The following SIGLEC1 variants were observed in gnomAD, a reference collection of about 807,000 sequenced individuals.
The protein encoded by SIGLEC1 is sialic acid binding Ig like lectin 1.
In SIGLEC1, 132 loss-of-function variants were observed where a neutral mutation model predicts 148.0. The ratio of observed to expected loss-of-function variants is 0.89; its 90% CI spans 0.77 to 1.03. The LOEUF is 1.03. SIGLEC1 is among the 50% of genes least tolerant of loss of function. SIGLEC1 has a pLI of 0.00. For synonymous variants in SIGLEC1, 945 were observed against 969.0 expected (o/e 0.98, Z 0.46); for missense variants, 2,253 against 2,271.4 (o/e 0.99, Z 0.16).
chr20:3,711,530 A>C (rs781156106), intron 1 of SIGLEC1, among the ~76,000 whole-genome samples: 1 of 152,172 alleles, frequency 6.6e-6, no homozygotes, highest in Non-Finnish European at 1.5e-5. Flanking sequence ...CTTCTCCCCA[A>C]CTTCCCCATT....
chr20:3,706,137 G>T, intron 3 of SIGLEC1, 97 bp from the exon 4 acceptor site: 1 of 1,372,098 alleles, frequency 7.3e-7, no homozygotes, highest in Non-Finnish European at 9.9e-7. Flanking sequence ...CTGGGGAGGG[G>T]GCTTTTAGGG....
intron 4 of SIGLEC1, 96 bp downstream of exon 4, chr20:3,705,648 A>G: frequency 7.3e-7 from 1 of 1,370,534 alleles, no homozygotes; most frequent in Non-Finnish European, 1.0e-6. Context: ...TTGCATCAGG[A>G]GCAAGGGTTC....
chr20:3,691,432 TG>T lies in SIGLEC1; in HGVS notation c.4498del (p.His1500ThrfsTer39), dbSNP rs778726296. Reference protein sequence around the residue: ...AEPVPTLAFTHVARAQAGMYH... With the variant: ...AEPVPTLAFTXVARAQAGMYH... ...CATCCCAGCTTGAGCACGAGCCACG[TG>T]GGTGAAGGCGAGAGTGGGCACAGGC... On this transcript the variant is annotated frameshift_variant, in exon 18 of 22. Transcript: ENST00000344754. LOFTEE classifies it high-confidence loss of function. 3 of 1,613,100 alleles carry T rather than the reference TG, an allele frequency of 1.9e-6. No individual in the cohort carries two copies. The highest frequency in any genetic ancestry group is 2.5e-6 in the Non-Finnish European group (3 of 1,179,998).
Position 3,701,335 on chromosome 20 carries a change from A to T in SIGLEC1, c.1528+7T>A, listed in dbSNP as rs1472886593. Reference sequence around the variant, plus strand: ...CCACTCTCCCTGGCTGCCAGTGCCCATCTTACCATTGGCATGGAAGTCCAG... The same window carrying T: ...CCACTCTCCCTGGCTGCCAGTGCCCTTCTTACCATTGGCATGGAAGTCCAG... On this transcript the variant is annotated splice_region_variant and intron_variant, in intron 7 of 21. Coordinates refer to ENST00000344754, the MANE Select transcript of SIGLEC1 (RefSeq NM_023068.4). 2 of 1,600,662 alleles carry T rather than the reference A, an allele frequency of 1.2e-6. No individual in the cohort carries two copies. The highest frequency in any genetic ancestry group is 8.5e-7 in the Non-Finnish European group (1 of 1,172,242).
At position 3,698,067 on chromosome 20, in the gene SIGLEC1, C is replaced by G; in HGVS notation, c.1853G>C (p.Arg618Pro). ...CACACGGCACAAAAGGAGGCCTCGCCGTCCAGCCCCGGCCCCAGCGGCATC... is the reference window on the plus strand; with the variant it reads ...CACACGGCACAAAAGGAGGCCTCGCGGTCCAGCCCCGGCCCCAGCGGCATC... ...DLDAAGAGAG[R>P]RGLLLCRVDS... is the part of the protein sequence containing the mutation. Residue 618 changes from arginine to proline, a missense_variant, in exon 9 of 22, where the codon CGG becomes CCG. Coordinates refer to ENST00000344754, the MANE Select transcript of SIGLEC1 (RefSeq NM_023068.4). 1 of 1,604,510 alleles carries G rather than the reference C, an allele frequency of 6.2e-7. No homozygotes were observed.
rs777761697 is a variant in SIGLEC1, at chr20:3,694,465, CAGG to C, written c.3009_3011del (p.Leu1004del). 7 of 1,603,520 alleles carry C rather than the reference CAGG, an allele frequency of 4.4e-6. No homozygotes were observed. In the South Asian group the frequency reaches 6.6e-5, roughly 15 times the overall value. On this transcript the variant is annotated inframe_deletion, in exon 13 of 22. Transcript: ENST00000344754. The stretch of plus-strand genomic sequence containing the variant: ...CCGGAGGGTCACTGTCCACACGGCA[CAGG>C]AGGAGGCCCAGTCGTCCAGGGCCTG...
chr20:3,706,054 C>T lies in SIGLEC1; in HGVS notation c.410-14G>A. ...CCCTGGGCTCCTCTGAGGACAGAGA[C>T]AGCAGTGCTCAGGACCCGCTTTTGC... is the stretch of plus-strand genomic sequence containing the variant. On this transcript the variant is annotated splice_polypyrimidine_tract_variant and intron_variant, in intron 3 of 21. Coordinates refer to ENST00000344754, the MANE Select transcript of SIGLEC1 (RefSeq NM_023068.4). The T allele has an allele frequency of 6.2e-7, 1 of 1,606,452 alleles. No homozygotes were observed. Among genetic ancestry groups the T allele is most frequent in the Non-Finnish European group, 8.5e-7 (1 of 1,175,748 alleles).
At chr20:3,705,690 T>C in intron 4 of SIGLEC1, 54 bp downstream of exon 4, 1 of 1,538,806 alleles carries the variant, frequency 6.5e-7, no homozygotes, top group Non-Finnish European at 8.8e-7. Context: ...GGCTGGTTTC[T>C]GTCAGGAGCA....
Position 3,695,420 on chromosome 20 carries a change from C to G in SIGLEC1, c.2684-497G>C, listed in dbSNP as rs1264247565. Reference sequence around the variant, plus strand: ...GTTATCTTGAGCGCTCTCGCCAGGCCAGCCCTGCATCCAGACTCCAGGCCA... The same window carrying G: ...GTTATCTTGAGCGCTCTCGCCAGGCGAGCCCTGCATCCAGACTCCAGGCCA... On this transcript the variant is annotated intron_variant, in intron 11 of 21. Coordinates refer to ENST00000344754, the MANE Select transcript of SIGLEC1 (RefSeq NM_023068.4). Among the ~76,000 whole-genome samples the G allele has an allele frequency of 2.6e-5, 4 of 152,336 alleles. No homozygotes were observed. In the East Asian group the frequency reaches 5.8e-4, roughly 22 times the overall value.
chr20:3,688,764 G>A, intron 21 of SIGLEC1, 145 bp from the exon 22 acceptor site: 8 of 637,784 alleles, frequency 1.3e-5, no homozygotes, highest in South Asian at 5.9e-5. Flanking sequence ...CCTACCAGGT[G>A]AATCAGCTGC....
At position 3,696,763 on chromosome 20, in the gene SIGLEC1, G is replaced by T. The variant is rs2087804308; in HGVS notation, c.2506C>A (p.Leu836Met). 4 of 1,613,146 alleles carry T rather than the reference G, an allele frequency of 2.5e-6. No homozygotes were observed. The highest frequency in any genetic ancestry group is 3.4e-6 in the Non-Finnish European group (4 of 1,179,946). Reference sequence around the variant, plus strand: ...ACCTGGGGACCCAGGCTGGTGGCCAGGAGGTGCTCCCCATGGAACAAGGCC... The same window carrying T: ...ACCTGGGGACCCAGGCTGGTGGCCATGAGGTGCTCCCCATGGAACAAGGCC... The part of the protein sequence containing the change: ...LLALFHGEHL[L>M]ATSLGPQVPS... The change falls in exon 11 of 22, where the codon CTG (leucine) becomes ATG (methionine). Residue 836 changes from leucine to methionine, a missense_variant. Physicochemically the swap from Leu to Met is conservative, Grantham distance 15 (BLOSUM62 2). Coordinates refer to ENST00000344754, the MANE Select transcript of SIGLEC1 (RefSeq NM_023068.4).
chr20:3,703,479 G>A (rs1337755344), intron 5 of SIGLEC1, 28 bp from the exon 6 acceptor site: 36 of 1,543,284 alleles, frequency 2.3e-5, no homozygotes, highest in Non-Finnish European at 3.1e-5. Flanking sequence ...GGAGTGCTGG[G>A]GGGTCCCAGC....
chr20:3,705,297 C>T (rs887182263), intron 4 of SIGLEC1, among the ~76,000 whole-genome samples: 5 of 152,192 alleles, frequency 3.3e-5, no homozygotes, highest in African/African-American at 1.2e-4. Flanking sequence ...GCGCCCGGCC[C>T]ATCTCCTTTA....
chr20:3,708,595 G>A (rs2087911693), intron 1 of SIGLEC1, among the ~76,000 whole-genome samples: 1 of 151,568 alleles, frequency 6.6e-6, no homozygotes, highest in African/African-American at 2.4e-5. Flanking sequence ...GCAAGACTCT[G>A]TCTCTACGAA....
chr20:3,692,296 G>C (rs952511432), intron 16 of SIGLEC1, 94 bp from the exon 17 acceptor site: 3 of 1,324,002 alleles, frequency 2.3e-6, no homozygotes, highest in Non-Finnish European at 3.0e-6. Context: ...TGAGGCCTCT[G>C]GACCAATGGC....
intron 19 of SIGLEC1, 114 bp downstream of exon 19, chr20:3,689,848 G>T: frequency 8.5e-7 from 1 of 1,177,316 alleles, no homozygotes; most frequent in Non-Finnish European, 1.2e-6. Context: ...AATCAGTTTA[G>T]AGTCGACAGG....
chr20:3,694,475 C>A lies in SIGLEC1; in HGVS notation c.3002G>T (p.Gly1001Val). 6.3e-7 allele frequency: 1 copy of A among 1,597,378 alleles called. No homozygotes were observed. Among genetic ancestry groups the A allele is most frequent in the Non-Finnish European group, 8.5e-7 (1 of 1,169,882 alleles). Residue 1001 changes from glycine to valine, a missense_variant, in exon 13 of 22, where the codon GGC becomes GTC. Coordinates refer to ENST00000344754, the MANE Select transcript of SIGLEC1 (RefSeq NM_023068.4). ...ACTGTCCACACGGCACAGGAGGAGG[C>A]CCAGTCGTCCAGGGCCTGTGTCCAT... Reference protein sequence around the residue: ...TLMDTGPGRLGLLLCRVDSDP... With the variant: ...TLMDTGPGRLVLLLCRVDSDP...
intron 1 of SIGLEC1, among the ~76,000 whole-genome samples, chr20:3,707,834 C>A (rs570883036): frequency 6.6e-6 from 1 of 152,250 alleles, no homozygotes. Context: ...GGCTCCCTAG[C>A]TGCCCAGCTC....
chr20:3,693,246 C>A, intron 14 of SIGLEC1, 115 bp from the exon 15 acceptor site: 3 of 1,288,112 alleles, frequency 2.3e-6, no homozygotes, highest in Non-Finnish European at 3.1e-6. Context: ...TGGCTCCCAA[C>A]CACCCAGTCT....
Sources: gnomAD v4.1 joint callset for allele counts (sites outside exome capture counted in the v4.1 genomes callset) on GRCh38, gnomAD v4.1.1 for gene constraint, MANE v1.5 for transcripts, NCBI Gene and HGNC (gene_info 2026-07-23, HGNC 2026-07-21) for gene names.